TMEM178B: variants seen among roughly 807,000 people sequenced by gnomAD.
TMEM178B encodes the protein transmembrane protein 178B.
In TMEM178B, 5 loss-of-function variants were observed where a neutral mutation model predicts 31.0. That is an observed-to-expected ratio of 0.16 (90% CI 0.08 to 0.34). The LOEUF (loss-of-function observed/expected upper bound fraction) is 0.34. Ranked by LOEUF, TMEM178B falls within the 10% of genes least tolerant of loss-of-function variation. The pLI is 1.00. For synonymous variants in TMEM178B, 164 were observed against 164.0 expected, an observed-to-expected ratio of 1.00 and a Z score of 0.00; for missense variants, 275 against 400.3, an observed-to-expected ratio of 0.69 and a Z score of 2.67.
At chr7:141,369,316 C>CGTGTGTGTGTGTGTGT (rs55960871) in intron 2 of TMEM178B, among the ~76,000 whole-genome samples, 6 of 138,348 alleles carry the variant, frequency 4.3e-5, no homozygotes, top group Admixed American at 7.1e-5. Flanking sequence ...TCCGCGCCGA[C>CGTGTGTGTGTGTGTGT]GTGTGTGTGT....
chr7:141,385,561 G>T (rs761708890), intron 2 of TMEM178B, among the ~76,000 whole-genome samples: 2 of 152,146 alleles, frequency 1.3e-5, no homozygotes, highest in Non-Finnish European at 2.9e-5. Context: ...GGCTCCAAAC[G>T]CATATCATTA....
intron 1 of TMEM178B, among the ~76,000 whole-genome samples, chr7:141,170,735 C>A (rs1215093260): frequency 6.6e-6 from 1 of 152,156 alleles, no homozygotes; most frequent in African/African-American, 2.4e-5. Context: ...GGGGCGGGGA[C>A]AGACATAGCC....
intron 2 of TMEM178B, among the ~76,000 whole-genome samples, chr7:141,412,851 G>A (rs139179608): frequency 1.3e-5 from 2 of 152,308 alleles, no homozygotes; most frequent in African/African-American, 4.8e-5. Flanking sequence ...GAAGCATAGA[G>A]ATAAACAGTC....
intron 1 of TMEM178B, among the ~76,000 whole-genome samples, chr7:141,136,418 C>G (rs924041541): frequency 1.3e-5 from 2 of 152,146 alleles, no homozygotes; most frequent in Non-Finnish European, 2.9e-5. Context: ...TATAAAACTA[C>G]TTGATGAAAA....
At chr7:141,259,224 A>T (rs1014784668) in intron 2 of TMEM178B, among the ~76,000 whole-genome samples, 3 of 152,130 alleles carry the variant, frequency 2.0e-5, no homozygotes, top group South Asian at 2.1e-4. Context: ...CTGCCATATG[A>T]TATACTCTTT....
chr7:141,202,899 G>C (rs1427024038), intron 1 of TMEM178B, among the ~76,000 whole-genome samples: 1 of 152,198 alleles, frequency 6.6e-6, no homozygotes, highest in Non-Finnish European at 1.5e-5. Context: ...GGCTGTGGGG[G>C]GTGTGGGAAC....
intron 2 of TMEM178B, among the ~76,000 whole-genome samples, chr7:141,397,855 C>T (rs1393224600): frequency 6.6e-6 from 1 of 152,238 alleles, no homozygotes; most frequent in Non-Finnish European, 1.5e-5. Context: ...GTTCTGCCCC[C>T]ACTGTCCCCA....
At chr7:141,340,696 TAA>T (rs945424945) in intron 2 of TMEM178B, among the ~76,000 whole-genome samples, 13 of 152,156 alleles carry the variant, frequency 8.5e-5, no homozygotes, top group African/African-American at 2.9e-4. Flanking sequence ...AACACTAAAG[TAA>T]AAAGTAAAAG....
At position 141,318,644 on chromosome 7, in the gene TMEM178B, GA is replaced by G. The variant is rs1303567536; in HGVS notation, c.496+105942del. Among the ~76,000 whole-genome samples the G allele has an allele frequency of 6.6e-6, 1 of 152,162 alleles. No individual in the cohort carries two copies. Among genetic ancestry groups the G allele is most frequent in the Non-Finnish European group, 1.5e-5 (1 of 68,030 alleles). The stretch of plus-strand genomic sequence containing the variant: ...TAGCTAAACCTATGCCACCCCTTCA[GA>G]AGCCTGTACCAAGACACTTAGAATT... On this transcript the variant is annotated intron_variant, in intron 2 of 3. Coordinates refer to ENST00000565468, the MANE Select transcript of TMEM178B (RefSeq NM_001195278.2). The surrounding 1 kb of genome is among the most constrained non-coding windows in gnomAD (Gnocchi z 4.1).
intron 2 of TMEM178B, among the ~76,000 whole-genome samples, chr7:141,396,304 T>C (rs1256937879): frequency 1.3e-5 from 2 of 152,218 alleles, no homozygotes; most frequent in African/African-American, 2.4e-5. Context: ...AGTAAGAATC[T>C]GTTTCAACAT....
intron 2 of TMEM178B, among the ~76,000 whole-genome samples, chr7:141,407,018 A>G (rs552096552): frequency 8.7e-4 from 133 of 152,370 alleles, no homozygotes; most frequent in African/African-American, 2.0e-3. Context: ...GCCAACAGTC[A>G]GCAAATTATG....
chr7:141,437,268 A>C (rs1014368291), intron 2 of TMEM178B, among the ~76,000 whole-genome samples: 1 of 152,290 alleles, frequency 6.6e-6, no homozygotes, highest in East Asian at 1.9e-4. Flanking sequence ...AGCAAATAGG[A>C]ATAAAGATAG....
At position 141,441,176 on chromosome 7, in the gene TMEM178B, C is replaced by T. The variant is rs545547414; in HGVS notation, c.634+3431C>T. ...AGACTAGAACAGAAGCTGCACTTCCCGCCTCTTTGCTCAGCAGATAGAGCA... is the reference window on the plus strand; with the variant it reads ...AGACTAGAACAGAAGCTGCACTTCCTGCCTCTTTGCTCAGCAGATAGAGCA... On this transcript the variant is annotated intron_variant, in intron 3 of 3. Coordinates refer to ENST00000565468, the MANE Select transcript of TMEM178B (RefSeq NM_001195278.2). Among the ~76,000 whole-genome samples, 9 of 152,278 alleles carry T rather than the reference C, an allele frequency of 5.9e-5. No homozygotes were observed. The South Asian group carries it at 1.7e-3, about 28-fold the overall frequency.
intron 2 of TMEM178B, among the ~76,000 whole-genome samples, chr7:141,278,380 G>A (rs1386080207): frequency 1.3e-5 from 2 of 152,130 alleles, no homozygotes; most frequent in African/African-American, 4.8e-5. Flanking sequence ...TTAGGAGTTC[G>A]AGACCAGCCT....
In TMEM178B at chr7:141,292,634, CTT is replaced by C. The variant is rs34248650; in HGVS notation, c.496+79950_496+79951del. On this transcript the variant is annotated intron_variant, in intron 2 of 3. Transcript: ENST00000565468. ...TGCCCCCTGAAGTTTGCTTTTAGAT[CTT>C]TTTTTTTTTTTTTTTTTTTGAGATG... Among the ~76,000 whole-genome samples the C allele has an allele frequency of 2.0e-3, 207 of 106,124 alleles. 1 individual carries two copies. Among genetic ancestry groups the C allele is most frequent in the African/African-American group, 7.0e-3 (192 of 27,472 alleles). 69.6% of individuals were successfully genotyped at this position (106,124 alleles called of 152,430 possible).
intron 2 of TMEM178B, among the ~76,000 whole-genome samples, chr7:141,421,307 T>A (rs1244297397): frequency 6.6e-6 from 1 of 152,248 alleles, no homozygotes; most frequent in Non-Finnish European, 1.5e-5. Flanking sequence ...CATTTCCACT[T>A]TGTAAAGACT....
At chr7:141,174,928 G>A (rs1563108006) in intron 1 of TMEM178B, among the ~76,000 whole-genome samples, 1 of 152,296 alleles carries the variant, frequency 6.6e-6, no homozygotes, top group East Asian at 1.9e-4. Context: ...TCACTCTGAT[G>A]ATAGTTTCTT....
At chr7:141,433,552 T>A (rs1470448684) in intron 2 of TMEM178B, among the ~76,000 whole-genome samples, 1 of 152,222 alleles carries the variant, frequency 6.6e-6, no homozygotes, top group African/African-American at 2.4e-5. Context: ...TCTGGCTTGG[T>A]TTAGGAGGAG....
At chr7:141,273,202 T>A (rs1798213105) in intron 2 of TMEM178B, among the ~76,000 whole-genome samples, 1 of 152,174 alleles carries the variant, frequency 6.6e-6, no homozygotes. Context: ...AGTAGTAGAA[T>A]GATGGTCACC....
Sources: allele counts gnomAD v4.1 joint callset (sites outside exome capture counted in the v4.1 genomes callset), GRCh38; gene constraint gnomAD v4.1.1; non-coding constraint Gnocchi (gnomAD v3.1); transcripts MANE v1.5; gene names NCBI Gene and HGNC (gene_info 2026-07-23, HGNC 2026-07-21).